CALN1: variants seen among roughly 807,000 people sequenced by gnomAD.
CALN1 encodes the protein calneuron 1, also known as calcium-binding protein 8.
CALN1 carries 17 observed loss-of-function variants against 30.6 expected under a neutral mutation model. The ratio of observed to expected loss-of-function variants is 0.56; its 90% CI spans 0.38 to 0.83. The LOEUF (loss-of-function observed/expected upper bound fraction) is 0.83. CALN1 is among the 40% of genes least tolerant of loss of function. The probability of loss-of-function intolerance (pLI) is 0.00; values close to 1 mark genes in which losing one functional copy is unlikely to be tolerated. For synonymous variants in CALN1, 156 were observed against 131.4 expected (o/e 1.19, Z -1.28); for missense variants, 291 against 354.9 (o/e 0.82, Z 1.45).
At chr7:71,944,254 T>C (rs1229701151) in intron 5 of CALN1, among the ~76,000 whole-genome samples, 1 of 152,066 alleles carries the variant, frequency 6.6e-6, no homozygotes, top group Non-Finnish European at 1.5e-5. Flanking sequence ...CAAGATCAAC[T>C]TGGGCAACAT....
At chr7:72,022,791 A>G (rs976052068) in intron 5 of CALN1, among the ~76,000 whole-genome samples, 9 of 152,200 alleles carry the variant, frequency 5.9e-5, no homozygotes, top group African/African-American at 1.9e-4. Flanking sequence ...AGTTCTTACT[A>G]AATACTTGTT....
At chr7:71,932,831 A>G (rs1426642778) in intron 5 of CALN1, among the ~76,000 whole-genome samples, 5 of 151,530 alleles carry the variant, frequency 3.3e-5, no homozygotes, top group South Asian at 2.1e-4. Flanking sequence ...AAAAAAAAAA[A>G]AGAGAAGTGT....
chr7:71,956,016 C>T (rs1796943891), intron 5 of CALN1, among the ~76,000 whole-genome samples: 1 of 149,308 alleles, frequency 6.7e-6, no homozygotes. Context: ...GAGATGGAGT[C>T]TCACTCTGTC....
At position 71,947,263 on chromosome 7, in the gene CALN1, G is replaced by A. The variant is rs147752648; in HGVS notation, c.501+76394C>T. Among the ~76,000 whole-genome samples the A allele has an allele frequency of 7.8e-4, 118 of 152,170 alleles. 1 individual carries two copies. In the East Asian group the frequency reaches 0.02, roughly 26 times the overall value. ...TGACCTCAGGCGATCTGCCCACCTCGGCCTCCCGAACTGCCGAGATTACAG... is the reference window on the plus strand; with the variant it reads ...TGACCTCAGGCGATCTGCCCACCTCAGCCTCCCGAACTGCCGAGATTACAG... On this transcript the variant is annotated intron_variant, in intron 5 of 6. Transcript: ENST00000395275.
chr7:72,023,128 T>C (rs1412615420), intron 5 of CALN1, among the ~76,000 whole-genome samples: 1 of 152,110 alleles, frequency 6.6e-6, no homozygotes, highest in Non-Finnish European at 1.5e-5. Context: ...AATATAAAAA[T>C]GATTTCATTA....
chr7:72,453,479 T>C, the CALN1 span, among the ~76,000 whole-genome samples: 1 of 152,202 alleles, frequency 6.6e-6, no homozygotes, highest in Non-Finnish European at 1.5e-5. Context: ...TGGTAAACAG[T>C]CATGATGCTG....
intron 3 of CALN1, among the ~76,000 whole-genome samples, chr7:72,107,780 C>T (rs944684287): frequency 6.6e-6 from 1 of 152,096 alleles, no homozygotes; most frequent in Admixed American, 6.6e-5. Flanking sequence ...CTTTCTATTC[C>T]GTGAGAAGCA....
At chr7:72,411,290 CATA>C (rs1444580893) in intron 1 of CALN1, among the ~76,000 whole-genome samples, 18 of 152,054 alleles carry the variant, frequency 1.2e-4, no homozygotes, top group East Asian at 3.9e-4. Context: ...TACTTTAGAA[CATA>C]ATATTTTGAC....
At chr7:71,827,460 G>A (rs1250319745) in intron 5 of CALN1, among the ~76,000 whole-genome samples, 6 of 152,096 alleles carry the variant, frequency 3.9e-5, no homozygotes, top group Admixed American at 2.0e-4. Flanking sequence ...GTTAAATAAC[G>A]TAGGCAAAGA....
At position 72,336,103 on chromosome 7, in the gene CALN1, C is replaced by T. The variant is rs187096955; in HGVS notation, c.120-57293G>A. 1.2e-3 allele frequency among the ~76,000 whole-genome samples: 183 copies of T among 152,276 alleles called. 1 individual carries two copies. The highest frequency in any genetic ancestry group is 4.2e-3 in the African/African-American group (173 of 41,568). On this transcript the variant is annotated intron_variant, in intron 2 of 6. Transcript: ENST00000395275. ...GAGGCCTCTCTGGTTACCCCTTGCA[C>T]CCTGGCGCCCCCGGACTCGGGGTGG... is the stretch of plus-strand genomic sequence containing the variant.
At chr7:72,046,738 A>G (rs1176458638) in intron 4 of CALN1, among the ~76,000 whole-genome samples, 2 of 138,090 alleles carry the variant, frequency 1.4e-5, no homozygotes, top group African/African-American at 5.5e-5. Flanking sequence ...AAAAAAAAAA[A>G]GGATTGAAAA....
At chr7:71,845,357 C>A (rs924322079) in intron 5 of CALN1, among the ~76,000 whole-genome samples, 7 of 152,194 alleles carry the variant, frequency 4.6e-5, no homozygotes, top group African/African-American at 1.7e-4. Flanking sequence ...AGGAGGAGGC[C>A]TAGGCAGGGT....
chr7:72,495,931 GT>G, the CALN1 span, among the ~76,000 whole-genome samples: 2 of 152,020 alleles, frequency 1.3e-5, no homozygotes, highest in African/African-American at 4.8e-5. Context: ...ATTGTTTTCA[GT>G]TTTTTTGTTT....
At chr7:72,377,594 T>G (rs1202830505) in intron 2 of CALN1, among the ~76,000 whole-genome samples, 2 of 152,100 alleles carry the variant, frequency 1.3e-5, no homozygotes, top group Non-Finnish European at 2.9e-5. Flanking sequence ...ATTTTAGTTA[T>G]TGTTTGTTTG....
At chr7:71,900,561 G>A (rs1238227318) in intron 5 of CALN1, among the ~76,000 whole-genome samples, 1 of 152,178 alleles carries the variant, frequency 6.6e-6, no homozygotes, top group Non-Finnish European at 1.5e-5. Context: ...ATTAAGGCAG[G>A]CAGTTAGTGA....
intron 2 of CALN1, among the ~76,000 whole-genome samples, chr7:72,366,594 T>C (rs540802515): frequency 1.3e-5 from 2 of 152,148 alleles, no homozygotes; most frequent in Non-Finnish European, 2.9e-5. Flanking sequence ...CTGAGCAATG[T>C]ACATTGTACC....
intron 2 of CALN1, among the ~76,000 whole-genome samples, chr7:72,299,465 G>GAGTTTACGTAAAACAAAA (rs1471677385): frequency 6.6e-6 from 1 of 151,950 alleles, no homozygotes; most frequent in Non-Finnish European, 1.5e-5. Context: ...TTAAGAGGCA[G>GAGTTTACGTAAAACAAAA]AAATTACAAA....
intron 4 of CALN1, among the ~76,000 whole-genome samples, chr7:72,030,576 G>A (rs982499361): frequency 3.3e-5 from 5 of 152,032 alleles, no homozygotes; most frequent in African/African-American, 1.2e-4. Flanking sequence ...CAACCTTAGG[G>A]GAACGGAAAC....
intron 5 of CALN1, among the ~76,000 whole-genome samples, chr7:71,993,180 G>A (rs1478109316): frequency 9.2e-5 from 14 of 152,284 alleles, no homozygotes; most frequent in East Asian, 1.9e-4. Flanking sequence ...AGTGGAAGAC[G>A]GAGGTGCAGA....
Sources: gnomAD v4.1 joint callset for allele counts (sites outside exome capture counted in the v4.1 genomes callset) on GRCh38, gnomAD v4.1.1 for gene constraint, MANE v1.5 for transcripts, NCBI Gene and HGNC (gene_info 2026-07-23, HGNC 2026-07-21) for gene names.